The following RFX3 variants were observed in gnomAD, a reference collection of about 807,000 sequenced individuals.
RFX3 encodes regulatory factor X3.
RFX3 carries 14 observed loss-of-function variants against 98.6 expected under a neutral mutation model. That is an observed-to-expected ratio of 0.14 (90% CI 0.09 to 0.22). RFX3 has a LOEUF of 0.22. Ranked by LOEUF, RFX3 falls within the 10% of genes least tolerant of loss-of-function variation. RFX3 has a pLI of 1.00. For synonymous variants in RFX3, 383 were observed against 328.4 expected (o/e 1.17, Z -1.80); for missense variants, 639 against 926.9 (o/e 0.69, Z 4.03).
intron 3 of RFX3, among the ~76,000 whole-genome samples, chr9:3,331,875 C>T (rs1479741069): frequency 6.6e-6 from 1 of 152,086 alleles, no homozygotes; most frequent in Non-Finnish European, 1.5e-5. Flanking sequence ...AATATTAAAT[C>T]TGGGTTTCTA....
intron 1 of RFX3, among the ~76,000 whole-genome samples, chr9:3,419,907 C>G (rs528615740): frequency 1.8e-4 from 27 of 152,290 alleles, no homozygotes; most frequent in South Asian, 4.1e-4. Flanking sequence ...GCAGAACTGG[C>G]TCACATGGAA....
rs557188943 is a variant in RFX3 at position 3,370,878 on chromosome 9, A to C, written c.118-24114T>G. 2.6e-5 allele frequency among the ~76,000 whole-genome samples: 4 copies of C among 152,312 alleles called. No individual in the cohort carries two copies. In the South Asian group the frequency reaches 8.3e-4, roughly 32 times the overall value. On this transcript the variant is annotated intron_variant, in intron 2 of 16. Transcript: ENST00000617270. ...TGGGGTGTTTCCTCTCAGAAAACTGAACAGTAATGTATTAAGTTTCTCATA... is the reference window on the plus strand; with the variant it reads ...TGGGGTGTTTCCTCTCAGAAAACTGCACAGTAATGTATTAAGTTTCTCATA...
chr9:3,512,446 C>A (rs1587907808), intron 1 of RFX3, among the ~76,000 whole-genome samples: 1 of 151,900 alleles, frequency 6.6e-6, no homozygotes, highest in South Asian at 2.1e-4. Context: ...TATATACTGA[C>A]TTTACAACTG....
intron 1 of RFX3, among the ~76,000 whole-genome samples, chr9:3,419,310 AG>A (rs1843246697): frequency 6.6e-6 from 1 of 152,220 alleles, no homozygotes; most frequent in South Asian, 2.1e-4. Context: ...ATATCTTCCA[AG>A]TATCAAAAGG....
At chr9:3,260,920 A>C (rs1052408503) in intron 13 of RFX3, among the ~76,000 whole-genome samples, 4 of 150,618 alleles carry the variant, frequency 2.7e-5, no homozygotes, top group African/African-American at 9.7e-5. Context: ...CTCTCTATAT[A>C]TATATATATC....
chr9:3,413,406 T>A (rs756643989), intron 1 of RFX3, among the ~76,000 whole-genome samples: 2 of 152,122 alleles, frequency 1.3e-5, no homozygotes, highest in Non-Finnish European at 2.9e-5. Flanking sequence ...GGGAGTTTAA[T>A]ATTTTAGGAA....
intron 1 of RFX3, among the ~76,000 whole-genome samples, chr9:3,486,381 G>C (rs1221105597): frequency 1.3e-5 from 2 of 152,040 alleles, no homozygotes; most frequent in African/African-American, 4.8e-5. Flanking sequence ...TTTTAGCTGG[G>C]AGTTTGGAAC....
At chr9:3,350,341 T>C (rs979418305) in intron 2 of RFX3, among the ~76,000 whole-genome samples, 1 of 152,122 alleles carries the variant, frequency 6.6e-6, no homozygotes, top group Non-Finnish European at 1.5e-5. Flanking sequence ...GATATGCAAA[T>C]ATTCTCCCAT....
chr9:3,424,564 G>A (rs1013229786), intron 1 of RFX3, among the ~76,000 whole-genome samples: 4 of 151,462 alleles, frequency 2.6e-5, no homozygotes, highest in African/African-American at 9.7e-5. Flanking sequence ...GCTTCACCGT[G>A]TTAGCCGGGA....
At chr9:3,399,152 A>C (rs1215626345) in intron 1 of RFX3, among the ~76,000 whole-genome samples, 1 of 151,932 alleles carries the variant, frequency 6.6e-6, no homozygotes, top group African/African-American at 2.4e-5. Flanking sequence ...ACAAATTTCC[A>C]GGCCGGGCAC....
intron 13 of RFX3, among the ~76,000 whole-genome samples, chr9:3,258,205 G>A (rs72699014): frequency 0.11 from 16,437 of 152,080 alleles, 909 homozygotes; most frequent in Middle Eastern, 0.2. Flanking sequence ...ATTTTAAGCT[G>A]GGTTCATTGT....
chr9:3,502,525 T>C (rs997060889), intron 1 of RFX3, among the ~76,000 whole-genome samples: 1 of 152,164 alleles, frequency 6.6e-6, no homozygotes, highest in South Asian at 2.1e-4. Flanking sequence ...GCCATCTTAA[T>C]AAAGAGGTAA....
intron 5 of RFX3, among the ~76,000 whole-genome samples, chr9:3,295,163 G>A (rs781319628): frequency 1.3e-5 from 2 of 151,438 alleles, no homozygotes; most frequent in Non-Finnish European, 2.9e-5. Context: ...AGTTACTGAG[G>A]TTCAAATTAG....
chr9:3,299,305 A>G (rs1210554353), intron 5 of RFX3, among the ~76,000 whole-genome samples: 4 of 151,884 alleles, frequency 2.6e-5, no homozygotes, highest in African/African-American at 9.6e-5. Context: ...TAAATCTCAG[A>G]AACATTAAAA....
intron 1 of RFX3, among the ~76,000 whole-genome samples, chr9:3,417,279 T>C (rs1843065491): frequency 6.6e-6 from 1 of 152,042 alleles, no homozygotes; most frequent in African/African-American, 2.4e-5. Flanking sequence ...CTTTTAATGA[T>C]ATAACAAGTA....
At chr9:3,474,397 T>C (rs1849042519) in intron 1 of RFX3, among the ~76,000 whole-genome samples, 1 of 152,170 alleles carries the variant, frequency 6.6e-6, no homozygotes, top group African/African-American at 2.4e-5. Context: ...AGATCCCTTG[T>C]CAAATACAGA....
chr9:3,447,076 C>G (rs1021199494), intron 1 of RFX3, among the ~76,000 whole-genome samples: 1 of 152,058 alleles, frequency 6.6e-6, no homozygotes, highest in Non-Finnish European at 1.5e-5. Flanking sequence ...ATCCCTTAGT[C>G]TATGAAATTA....
chr9:3,434,482 G>A (rs1844939966), intron 1 of RFX3, among the ~76,000 whole-genome samples: 1 of 152,212 alleles, frequency 6.6e-6, no homozygotes, highest in Non-Finnish European at 1.5e-5. Context: ...AAAGCTAGTT[G>A]TTGACAAATT....
At chr9:3,301,982 A>T (rs1444712291) in intron 4 of RFX3, among the ~76,000 whole-genome samples, 2 of 151,924 alleles carry the variant, frequency 1.3e-5, no homozygotes, top group Non-Finnish European at 2.9e-5. Context: ...ATCGTCTCCC[A>T]CCTAAAGAGT....
Sources: gnomAD v4.1 joint callset for allele counts (sites outside exome capture counted in the v4.1 genomes callset) on GRCh38, gnomAD v4.1.1 for gene constraint, MANE v1.5 for transcripts, NCBI Gene and HGNC (gene_info 2026-07-23, HGNC 2026-07-21) for gene names.